Variants in ECRG4 observed in about 807,000 individuals in gnomAD.
The protein encoded by ECRG4 is augurin.
A neutral mutation model predicts 15.8 loss-of-function variants in ECRG4; 18 were observed. That is an observed-to-expected ratio of 1.14 (90% CI 0.79 to 1.69). The LOEUF is 1.69. ECRG4 is among the 40% of genes most tolerant of loss of function. ECRG4 has a pLI of 0.00. For synonymous variants in ECRG4, 82 were observed against 73.9 expected (o/e 1.11, Z -0.56); for missense variants, 200 against 190.9 (o/e 1.05, Z -0.28).
At chr2:106,070,152 A>G (rs867575409) in intron 1 of ECRG4, among the ~76,000 whole-genome samples, 1 of 152,224 alleles carries the variant, frequency 6.6e-6, no homozygotes. Context: ...TTTATCATCC[A>G]AGCTGAAACA....
chr2:106,069,465 C>G lies in ECRG4; in HGVS notation c.80-2379C>G, dbSNP rs1676313618. 2.0e-5 allele frequency among the ~76,000 whole-genome samples: 3 copies of G among 152,050 alleles called. No individual in the cohort carries two copies. In the South Asian group the frequency reaches 6.2e-4, roughly 32 times the overall value. ...TCTCCTGCCTCAGCCTCCTGAGTAG[C>G]TGGGACTACAGGCATGCACCACCAC... On this transcript the variant is annotated intron_variant, in intron 1 of 3. Coordinates refer to ENST00000238044, the MANE Select transcript of ECRG4 (RefSeq NM_032411.3).
At chr2:106,071,023 T>G (rs1368894658) in intron 1 of ECRG4, 1 of 471,018 alleles carries the variant, frequency 2.1e-6, no homozygotes, top group Admixed American at 2.3e-5. Context: ...CTATTAAAAA[T>G]GATTGAGCTG....
intron 3 of ECRG4, among the ~76,000 whole-genome samples, chr2:106,075,518 T>C (rs1676466952): frequency 6.6e-6 from 1 of 152,122 alleles, no homozygotes. Context: ...GGTCAGGAGT[T>C]CAAGACCAGC....
intron 1 of ECRG4, among the ~76,000 whole-genome samples, chr2:106,071,349 A>G (rs541834937): frequency 0.013 from 1,803 of 137,572 alleles, 76 homozygotes; most frequent in African/African-American, 0.039. Flanking sequence ...AAAAAAAAAA[A>G]AAAGAAAGAA....
intron 1 of ECRG4, among the ~76,000 whole-genome samples, chr2:106,069,485 C>T (rs138405105): frequency 3.4e-4 from 51 of 152,150 alleles, no homozygotes; most frequent in African/African-American, 1.1e-3. Flanking sequence ...AGGCATGCAC[C>T]ACCACACTAG....
chr2:106,071,813 C>T, intron 1 of ECRG4, 31 bp from the exon 2 acceptor site: 1 of 1,598,858 alleles, frequency 6.3e-7, no homozygotes, highest in Non-Finnish European at 8.6e-7. Context: ...CAGTATAACT[C>T]TGATATGGAT....
At position 106,067,067 on chromosome 2, in the gene ECRG4, G is replaced by GA. The variant is rs1348225851; in HGVS notation, c.79+1224_79+1225insA. Among the ~76,000 whole-genome samples the GA allele has an allele frequency of 3.3e-3, 254 of 78,034 alleles. 64 individuals are homozygous for GA. The East Asian group carries it at 0.11, about 34-fold the overall frequency. The allele number at this position is 78,034 out of a possible 152,430, so 51.2% of individuals were successfully genotyped here. A position where few individuals can be genotyped will look rare whatever the true frequency, so the allele number is the denominator to read the frequency against. On this transcript the variant is annotated intron_variant, in intron 1 of 3. Coordinates refer to ENST00000238044, the MANE Select transcript of ECRG4 (RefSeq NM_032411.3). ...CCAGCACTTTGGGAGGCCGGGGGGG[G>GA]GGGGGGGGCAGATCACCTGAGGTCG... is the stretch of plus-strand genomic sequence containing the variant.
chr2:106,074,878 T>G (rs1676452933), intron 3 of ECRG4, among the ~76,000 whole-genome samples: 1 of 152,204 alleles, frequency 6.6e-6, no homozygotes, highest in Non-Finnish European at 1.5e-5. Flanking sequence ...AATACTGCAG[T>G]AGGTGAAGAA....
chr2:106,072,771 G>A (rs895443784), intron 2 of ECRG4, among the ~76,000 whole-genome samples: 9 of 152,138 alleles, frequency 5.9e-5, no homozygotes, highest in South Asian at 2.1e-4. Flanking sequence ...CCCAATCTCT[G>A]AGGCGGCTCA....
chr2:106,075,366 C>T (rs1391675979), intron 3 of ECRG4, among the ~76,000 whole-genome samples: 1 of 152,228 alleles, frequency 6.6e-6, no homozygotes, highest in Non-Finnish European at 1.5e-5. Flanking sequence ...GATGAAAATG[C>T]TATATCCTCC....
chr2:106,073,796 G>T (rs1676421132), intron 2 of ECRG4, 90 bp from the exon 3 acceptor site: 7 of 1,478,560 alleles, frequency 4.7e-6, no homozygotes, highest in Non-Finnish European at 6.6e-6. Context: ...ACACATGGTG[G>T]TGGGGGATGG....
chr2:106,065,738 T>G lies in ECRG4; in HGVS notation c.-27T>G. 6.8e-7 allele frequency: 1 copy of G among 1,468,956 alleles called. No individual in the cohort carries two copies. 91.0% of individuals were successfully genotyped at this position (1,468,956 alleles called of 1,614,324 possible). A position where few individuals can be genotyped will look rare whatever the true frequency, so the allele number is the denominator to read the frequency against. ...CTCGCAGCACCTCGAAGTGCGCCCC[T>G]CGCCCTCCTGCTCGCGCCCCGCCGC... On this transcript the variant is annotated 5_prime_UTR_variant, in exon 1 of 4. Coordinates refer to ENST00000238044, the MANE Select transcript of ECRG4 (RefSeq NM_032411.3).
intron 1 of ECRG4, among the ~76,000 whole-genome samples, chr2:106,068,589 C>A (rs893360366): frequency 6.6e-6 from 1 of 152,202 alleles, no homozygotes; most frequent in East Asian, 1.9e-4. Flanking sequence ...GCAGCCTCAT[C>A]GCAAATGCCT....
rs10649647 is a variant in ECRG4, at chr2:106,071,322, TAAAAAAAAAAAAAA to T, written c.80-505_80-492del. Reference sequence around the variant, plus strand: ...ACCCTCTCAGTGATGGGTAAGGCTGTAAAAAAAAAAAAAAAAAAAAAAAAAAAAAAGAAAGAAAG... The same window carrying T: ...ACCCTCTCAGTGATGGGTAAGGCTGTAAAAAAAAAAAAAAAAGAAAGAAAG... On this transcript the variant is annotated intron_variant, in intron 1 of 3. Transcript: ENST00000238044. Among the ~76,000 whole-genome samples the T allele has an allele frequency of 1.3e-4, 10 of 78,330 alleles. No individual in the cohort carries two copies. The East Asian group carries it at 3.1e-3, about 24-fold the overall frequency. The allele number at this position is 78,330 out of a possible 152,430, so 51.4% of individuals were successfully genotyped here.
chr2:106,073,729 G>A (rs1676419497), intron 2 of ECRG4, 157 bp from the exon 3 acceptor site: 1 of 830,574 alleles, frequency 1.2e-6, no homozygotes, highest in Non-Finnish European at 2.0e-6. Flanking sequence ...GAATCTACGA[G>A]GCTGTGTCAC....
chr2:106,067,338 A>G (rs1365397878), intron 1 of ECRG4, among the ~76,000 whole-genome samples: 1 of 151,902 alleles, frequency 6.6e-6, no homozygotes, highest in African/African-American at 2.4e-5. Context: ...AAAAAAGCAC[A>G]TCTGAATAAG....
rs368960102 is a variant in ECRG4 at position 106,071,371 on chromosome 2, G to T, written c.80-473G>T. ...AAAAAAAGAAAGAAAGAAAAGAAAAGAAAATAAAAAAAAAATAAAAATCTT... is the reference window on the plus strand; with the variant it reads ...AAAAAAAGAAAGAAAGAAAAGAAAATAAAATAAAAAAAAAATAAAAATCTT... On this transcript the variant is annotated intron_variant, in intron 1 of 3. Transcript: ENST00000238044. Among the ~76,000 whole-genome samples the T allele has an allele frequency of 9.8e-3, 1,057 of 107,928 alleles. 23 individuals carry two copies. Among genetic ancestry groups the T allele is most frequent in the African/African-American group, 0.038 (1,004 of 26,116 alleles). The allele number at this position is 107,928 out of a possible 152,430, so 70.8% of individuals were successfully genotyped here. A position where few individuals can be genotyped will look rare whatever the true frequency, so the allele number is the denominator to read the frequency against.
At position 106,077,894 on chromosome 2, in the gene ECRG4, C is replaced by A. The variant is rs767390809; in HGVS notation, c.415C>A (p.His139Asn). ...TCCCCGGAGCCCCTACGGCTTTAGG[C>A]ATGGAGCCAGCGTCAACTACGATGA... ...IGPRSPYGFR[H>N]GASVNYDDY Residue 139 changes from histidine (H) to asparagine (N), a missense_variant, in exon 4 of 4, where the codon CAT becomes AAT. His to Asn is a moderately conservative substitution (Grantham distance 68). Transcript: ENST00000238044. 27 of 1,613,992 alleles carry A rather than the reference C, an allele frequency of 1.7e-5. No homozygotes were observed. The highest frequency in any genetic ancestry group is 2.2e-5 in the Non-Finnish European group (26 of 1,180,032).
chr2:106,073,670 TTTA>T (rs1676418266), intron 2 of ECRG4: 1 of 595,400 alleles, frequency 1.7e-6, no homozygotes, highest in African/African-American at 1.8e-5. Flanking sequence ...TCCATGCCCC[TTTA>T]TAGGGTTGTA....
Sources: allele counts gnomAD v4.1 joint callset (sites outside exome capture counted in the v4.1 genomes callset), GRCh38; gene constraint gnomAD v4.1.1; transcripts MANE v1.5; gene names NCBI Gene and HGNC (gene_info 2026-07-23, HGNC 2026-07-21).